The following NKX2-3 variants were observed in gnomAD, a reference collection of about 807,000 sequenced individuals.
NKX2-3 encodes the protein NK2 homeobox 3.
Under a neutral mutation model 14.2 loss-of-function variants are expected in NKX2-3, and 3 were observed. The observed-to-expected ratio is 0.21, with a 90% CI of 0.10 to 0.55. NKX2-3 has a LOEUF of 0.55. NKX2-3 is among the 20% of genes least tolerant of loss of function. The probability of loss-of-function intolerance (pLI) is 0.94; values close to 1 mark genes in which losing one functional copy is unlikely to be tolerated. For missense variants in NKX2-3, 511 were observed against 514.5 expected, an observed-to-expected ratio of 0.99 and a Z score of 0.06; for synonymous variants, 276 against 234.2, an observed-to-expected ratio of 1.18 and a Z score of -1.63.
chr10:99,533,282 G>A lies in NKX2-3; in HGVS notation c.151G>A (p.Glu51Lys), dbSNP rs753335295. 1 of 1,614,016 alleles carries A rather than the reference G, an allele frequency of 6.2e-7. No homozygotes were observed. The highest frequency in any genetic ancestry group is 2.2e-5 in the East Asian group (1 of 44,878). ...TGCGCCCTGCATGCTGGCCGCCGCT[G>A]AGGGGACGCAATTTTCTGACGGAGG... The part of the protein sequence containing the change: ...HSAPCMLAAA[E>K]GTQFSDGGEE... Residue 51 changes from glutamate (E) to lysine (K), a missense_variant, in exon 1 of 2, where the codon GAG (glutamate) becomes AAG (lysine). By Grantham distance (56) the Glu-to-Lys change is moderately conservative. Around this residue, in one of 3 missense-constraint regions of NKX2-3, gnomAD observed 243 missense variants for 242.3 expected, o/e 1.00. Coordinates refer to ENST00000344586, the MANE Select transcript of NKX2-3 (RefSeq NM_145285.3).
intron 1 of NKX2-3, 40 bp from the exon 2 acceptor site, chr10:99,534,945 C>T: frequency 6.4e-7 from 1 of 1,553,240 alleles, no homozygotes; most frequent in Non-Finnish European, 8.7e-7. Context: ...GCGGTGCGGC[C>T]GGGAACAGCT....
chr10:99,535,999 C>T lies in NKX2-3; in HGVS notation c.*278C>T. 2.1e-6 allele frequency: 1 copy of T among 485,452 alleles called. No individual in the cohort carries two copies. The highest frequency in any genetic ancestry group is 2.5e-5 in the South Asian group (1 of 39,870). 30.1% of individuals were successfully genotyped at this position (485,452 alleles called of 1,614,324 possible). A position where few individuals can be genotyped will look rare whatever the true frequency, so the allele number is the denominator to read the frequency against. On this transcript the variant is annotated 3_prime_UTR_variant, in exon 2 of 2. Coordinates refer to ENST00000344586, the MANE Select transcript of NKX2-3 (RefSeq NM_145285.3). Reference sequence around the variant, plus strand: ...CCCGACCCTGGCAGCGAGAGGAGACCAGGAGGCTAGGACCCTGGCCGCGCT... The same window carrying T: ...CCCGACCCTGGCAGCGAGAGGAGACTAGGAGGCTAGGACCCTGGCCGCGCT...
chr10:99,535,295 G>C lies in NKX2-3; in HGVS notation c.669G>C (p.Pro223=), dbSNP rs776158145. 1.3e-6 allele frequency: 2 copies of C among 1,588,096 alleles called. No homozygotes were observed. Among genetic ancestry groups the C allele is most frequent in the Non-Finnish European group, 1.7e-6 (2 of 1,168,514 alleles). ...ELGAHAPPPP[P]RRVAVPVLVR... is the part of the protein sequence containing the mutation. ...GCGCACACGCGCCCCCGCCGCCGCC[G>C]CGCCGCGTGGCTGTCCCGGTGCTGG... is the stretch of plus-strand genomic sequence containing the variant. The change falls in exon 2 of 2, where the codon CCG becomes CCC. Residue 223 remains proline (P), a synonymous_variant. Transcript: ENST00000344586.
At chr10:99,534,842 A>G in intron 1 of NKX2-3, 143 bp from the exon 2 acceptor site, 1 of 1,034,336 alleles carries the variant, frequency 9.7e-7, no homozygotes, top group Non-Finnish European at 1.4e-6. Context: ...CCACAGCGCC[A>G]GGAGCCACAA....
Position 99,533,149 on chromosome 10 carries a change from G to A in NKX2-3, c.18G>A (p.Pro6=). 6.4e-7 allele frequency: 1 copy of A among 1,557,328 alleles called. No individual in the cohort carries two copies. Among genetic ancestry groups the A allele is most frequent in the Non-Finnish European group, 8.7e-7 (1 of 1,147,094 alleles). MMLPS[P]VTSTPFSVKD... ...TGGCCCTGATGATGTTACCAAGCCC[G>A]GTCACCTCCACCCCTTTCTCAGTCA... The change falls in exon 1 of 2, where the codon CCG becomes CCA. Residue 6 remains proline, a synonymous_variant. Transcript: ENST00000344586.
At position 99,535,643 on chromosome 10, in the gene NKX2-3, C is replaced by T; in HGVS notation, c.1017C>T (p.Ser339=). The T allele has an allele frequency of 6.5e-7, 1 of 1,535,700 alleles. No individual in the cohort carries two copies. Residue 339 remains serine, a synonymous_variant, in exon 2 of 2, where the codon AGC becomes AGT. Transcript: ENST00000344586. ...TAGGAGGCTTCGGCAGCGGCGGCAG[C>T]GCACAGCCGTTGCACCAGGGTACTG... ...SNLGGFGSGG[S]AQPLHQGTAA...
At position 99,533,424 on chromosome 10, in the gene NKX2-3, G is replaced by T. The variant is rs1183281074; in HGVS notation, c.293G>T (p.Arg98Leu). The part of the protein sequence containing the change: ...CPQGYVHTVL[R>L]DSCSEPKEHE... Reference sequence around the variant, plus strand: ...CAGGGCTATGTCCACACGGTCCTGCGAGACTCGTGCAGCGAGCCCAAGGAA... The same window carrying T: ...CAGGGCTATGTCCACACGGTCCTGCTAGACTCGTGCAGCGAGCCCAAGGAA... Residue 98 changes from arginine (R) to leucine (L), a missense_variant, in exon 1 of 2, where the codon CGA becomes CTA. Arg to Leu is a moderately radical substitution (Grantham distance 102, BLOSUM62 -2). Transcript: ENST00000344586. 1 of 1,599,822 alleles carries T rather than the reference G, an allele frequency of 6.3e-7. No individual in the cohort carries two copies. The highest frequency in any genetic ancestry group is 8.5e-7 in the Non-Finnish European group (1 of 1,174,142).
At chr10:99,534,553 A>T (rs1246617549) in intron 1 of NKX2-3, among the ~76,000 whole-genome samples, 1 of 152,168 alleles carries the variant, frequency 6.6e-6, no homozygotes, top group South Asian at 2.1e-4. Context: ...CGCGCAACCC[A>T]TGCCCACCGG....
rs1006534260 is a variant in NKX2-3, at chr10:99,535,571, C to A, written c.945C>A (p.Pro315=). ...GTSAATTAMQ[P]ACSAAGGGPF... Reference sequence around the variant, plus strand: ...CCGCGGCGACCACTGCCATGCAGCCCGCCTGCAGCGCGGCCGGAGGCGGCC... The same window carrying A: ...CCGCGGCGACCACTGCCATGCAGCCAGCCTGCAGCGCGGCCGGAGGCGGCC... The change falls in exon 2 of 2, where the codon CCC becomes CCA. Residue 315 remains proline, a synonymous_variant. Coordinates refer to ENST00000344586, the MANE Select transcript of NKX2-3 (RefSeq NM_145285.3). 4.0e-6 allele frequency: 6 copies of A among 1,496,898 alleles called. No individual in the cohort carries two copies. In the African/African-American group the frequency reaches 8.8e-5, roughly 22 times the overall value. The allele number at this position is 1,496,898 out of a possible 1,614,324, so 92.7% of individuals were successfully genotyped here.
rs567361749 is a variant in NKX2-3 at position 99,533,585 on chromosome 10, C to G, written c.358+96C>G. The stretch of plus-strand genomic sequence containing the variant: ...AGACCTTGCCAGCGCAGCTGCCCAT[C>G]CCTTTACCCTTTGGCTGGGGCCATG... On this transcript the variant is annotated intron_variant, in intron 1 of 1. Transcript: ENST00000344586. The G allele has an allele frequency of 1.4e-5, 13 of 904,854 alleles. No individual in the cohort carries two copies. The South Asian group carries it at 2.2e-4, about 16-fold the overall frequency. The allele number at this position is 904,854 out of a possible 1,614,324, so 56.1% of individuals were successfully genotyped here. A position where few individuals can be genotyped will look rare whatever the true frequency, so the allele number is the denominator to read the frequency against.
chr10:99,535,813 C>A lies in NKX2-3; in HGVS notation c.*92C>A. 2 of 1,373,520 alleles carry A rather than the reference C, an allele frequency of 1.5e-6. No individual in the cohort carries two copies. The highest frequency in any genetic ancestry group is 1.9e-6 in the Non-Finnish European group (2 of 1,048,004). The allele number at this position is 1,373,520 out of a possible 1,614,324, so 85.1% of individuals were successfully genotyped here. The stretch of plus-strand genomic sequence containing the variant: ...GGGCCTGACCTAAAGGTCAGGTCCC[C>A]TCGTTAAAAAAATATGTACGTCTAG... On this transcript the variant is annotated 3_prime_UTR_variant, in exon 2 of 2. Transcript: ENST00000344586.
In NKX2-3 at chr10:99,536,092, G is replaced by A. The variant is rs993364161; in HGVS notation, c.*371G>A. On this transcript the variant is annotated 3_prime_UTR_variant, in exon 2 of 2. Coordinates refer to ENST00000344586, the MANE Select transcript of NKX2-3 (RefSeq NM_145285.3). ...CCGCGGCCTCCGCGAAGCGTTGGCG[G>A]GGAGCCCAAGGACATAACAAATTAA... The A allele has an allele frequency of 1.4e-5, 4 of 276,638 alleles. No homozygotes were observed. Among genetic ancestry groups the A allele is most frequent in the Non-Finnish European group, 2.7e-5 (4 of 146,102 alleles). 17.1% of individuals were successfully genotyped at this position (276,638 alleles called of 1,614,324 possible). A position where few individuals can be genotyped will look rare whatever the true frequency, so the allele number is the denominator to read the frequency against.
intron 1 of NKX2-3, 72 bp from the exon 2 acceptor site, chr10:99,534,913 A>G: frequency 1.3e-6 from 2 of 1,509,360 alleles, no homozygotes; most frequent in East Asian, 2.5e-5. Flanking sequence ...AAAAAGGGTC[A>G]CGGTGCTCCA....
At chr10:99,533,591 AC>A in intron 1 of NKX2-3, 102 bp downstream of exon 1, 1 of 881,736 alleles carries the variant, frequency 1.1e-6, no homozygotes, top group Non-Finnish European at 1.7e-6. Flanking sequence ...CCATCCCTTT[AC>A]CCTTTGGCTG....
chr10:99,535,520 C>T lies in NKX2-3; in HGVS notation c.894C>T (p.Gly298=), dbSNP rs1488397121. 4.8e-5 allele frequency: 31 copies of T among 650,000 alleles called. No individual in the cohort carries two copies. The highest frequency in any genetic ancestry group is 6.2e-4 in the Middle Eastern group (1 of 1,620). 40.3% of individuals were successfully genotyped at this position (650,000 alleles called of 1,614,324 possible). The part of the protein sequence containing the change: ...SSSYGCAYPA[G]GGGGGGGTSA... ...GCTATGGCTGTGCGTACCCGGCGGG[C>T]GGCGGCGGCGGCGGCGGCGGGACCT... Residue 298 remains glycine, a synonymous_variant, in exon 2 of 2, where the codon GGC becomes GGT. Transcript: ENST00000344586.
chr10:99,532,951 A>G lies in NKX2-3; in HGVS notation c.-181A>G. 1 of 572,886 alleles carries G rather than the reference A, an allele frequency of 1.7e-6. No homozygotes were observed. The highest frequency in any genetic ancestry group is 3.1e-6 in the Non-Finnish European group (1 of 319,984). 35.5% of individuals were successfully genotyped at this position (572,886 alleles called of 1,614,324 possible). ...GGGCCCCAGTCCCTGCAGTGGCTGT[A>G]ACAAAACCCAGACCCCCAGGTCCCG... On this transcript the variant is annotated 5_prime_UTR_variant, in exon 1 of 2. Transcript: ENST00000344586.
chr10:99,535,815 C>G lies in NKX2-3; in HGVS notation c.*94C>G. On this transcript the variant is annotated 3_prime_UTR_variant, in exon 2 of 2. Coordinates refer to ENST00000344586, the MANE Select transcript of NKX2-3 (RefSeq NM_145285.3). The stretch of plus-strand genomic sequence containing the variant: ...GCCTGACCTAAAGGTCAGGTCCCCT[C>G]GTTAAAAAAATATGTACGTCTAGCT... 2 of 1,361,342 alleles carry G rather than the reference C, an allele frequency of 1.5e-6. No homozygotes were observed. Among genetic ancestry groups the G allele is most frequent in the Non-Finnish European group, 1.9e-6 (2 of 1,037,854 alleles). 84.3% of individuals were successfully genotyped at this position (1,361,342 alleles called of 1,614,324 possible). A position where few individuals can be genotyped will look rare whatever the true frequency, so the allele number is the denominator to read the frequency against.
rs976042519 is a variant in NKX2-3, at chr10:99,536,474, C to T, written c.*753C>T. 6.5e-6 allele frequency: 1 copy of T among 152,750 alleles called. No homozygotes were observed. The highest frequency in any genetic ancestry group is 1.5e-5 in the Non-Finnish European group (1 of 68,078). The allele number at this position is 152,750 out of a possible 1,614,324, so 9.5% of individuals were successfully genotyped here. A position where few individuals can be genotyped will look rare whatever the true frequency, so the allele number is the denominator to read the frequency against. On this transcript the variant is annotated 3_prime_UTR_variant, in exon 2 of 2. Coordinates refer to ENST00000344586, the MANE Select transcript of NKX2-3 (RefSeq NM_145285.3). Reference sequence around the variant, plus strand: ...ACTATAACCACACGCCGTGTAGACACCCGCTGCCACACACTACAGGAGTCA... The same window carrying T: ...ACTATAACCACACGCCGTGTAGACATCCGCTGCCACACACTACAGGAGTCA...
In NKX2-3 at chr10:99,533,050, CAGG is replaced by C. The variant is rs2033927225; in HGVS notation, c.-76_-74del. The C allele has an allele frequency of 6.1e-6, 6 of 984,210 alleles. No individual in the cohort carries two copies. The Admixed American group carries it at 1.2e-4, about 19-fold the overall frequency. 61.0% of individuals were successfully genotyped at this position (984,210 alleles called of 1,614,324 possible). On this transcript the variant is annotated 5_prime_UTR_variant, in exon 1 of 2. Transcript: ENST00000344586. ...CCGACTCGGCAGCAGCGGCGGAGTC[CAGG>C]AGGAGAGCTGGAGCCGCCGCGCTGC...
Sources: allele counts gnomAD v4.1 joint callset (sites outside exome capture counted in the v4.1 genomes callset), GRCh38; gene constraint gnomAD v4.1.1; regional missense constraint gnomAD v4.1.1; transcripts MANE v1.5; gene names NCBI Gene and HGNC (gene_info 2026-07-23, HGNC 2026-07-21).